CNTN5: variants seen among roughly 807,000 people sequenced by gnomAD.
CNTN5 encodes contactin 5.
In CNTN5, 77 loss-of-function variants were observed where a neutral mutation model predicts 129.1. That is an observed-to-expected ratio of 0.60 (90% CI 0.50 to 0.72). CNTN5 has a LOEUF of 0.72. Among genes scored for constraint, CNTN5 ranks in the 30% least tolerant of loss-of-function variants. CNTN5 has a pLI of 0.00. For missense variants in CNTN5, 1,478 were observed against 1,328.8 expected (o/e 1.11, Z -1.75); for synonymous variants, 509 against 465.6 (o/e 1.09, Z -1.20).
intron 15 of CNTN5, among the ~76,000 whole-genome samples, chr11:100,204,301 T>TAG: frequency 1.9e-5 from 1 of 54,000 alleles, no homozygotes; most frequent in South Asian, 6.0e-4. Context: ...TTGACTAATA[T>TAG]ATATATATAT....
intron 3 of CNTN5, among the ~76,000 whole-genome samples, chr11:99,697,849 A>G (rs1591494697): frequency 6.6e-6 from 1 of 151,856 alleles, no homozygotes; most frequent in East Asian, 1.9e-4. Flanking sequence ...CAAACTAAAC[A>G]GCCAGTCATA....
intron 3 of CNTN5, among the ~76,000 whole-genome samples, chr11:99,785,061 C>T (rs1032194265): frequency 6.6e-6 from 1 of 151,768 alleles, no homozygotes; most frequent in Non-Finnish European, 1.5e-5. Context: ...CGCCTGCCTC[C>T]ACCTGCCTAT....
chr11:99,467,780 T>C (rs1165769642), intron 2 of CNTN5, among the ~76,000 whole-genome samples: 2 of 152,186 alleles, frequency 1.3e-5, no homozygotes, highest in Admixed American at 6.5e-5. Context: ...GCTGTTTCTT[T>C]CTTGCTCAAA....
chr11:99,493,844 A>C (rs1277363128), intron 2 of CNTN5, among the ~76,000 whole-genome samples: 2 of 151,614 alleles, frequency 1.3e-5, no homozygotes, highest in African/African-American at 4.8e-5. Flanking sequence ...TTATAAATAC[A>C]ATATTTAAAT....
intron 1 of CNTN5, among the ~76,000 whole-genome samples, chr11:99,056,569 A>G (rs1864632852): frequency 6.6e-6 from 1 of 152,000 alleles, no homozygotes; most frequent in Non-Finnish European, 1.5e-5. Context: ...ATATTTTAAT[A>G]ATTTTTAGAA....
chr11:99,108,549 G>C (rs1032991343), intron 1 of CNTN5, among the ~76,000 whole-genome samples: 1 of 152,018 alleles, frequency 6.6e-6, no homozygotes, highest in African/African-American at 2.4e-5. Flanking sequence ...TCCACGACAT[G>C]GTTTAGTTTT....
intron 13 of CNTN5, among the ~76,000 whole-genome samples, chr11:100,107,494 T>C (rs1323062432): frequency 6.6e-6 from 1 of 150,694 alleles, no homozygotes; most frequent in Non-Finnish European, 1.5e-5. Flanking sequence ...TATTCTTTTT[T>C]TTTTTTTTTT....
At chr11:99,479,938 C>A (rs1367577129) in intron 2 of CNTN5, among the ~76,000 whole-genome samples, 1 of 151,264 alleles carries the variant, frequency 6.6e-6, no homozygotes, top group African/African-American at 2.4e-5. Context: ...ACCTATTAGA[C>A]CAAATTTATT....
chr11:99,361,376 A>C (rs1939099312), intron 2 of CNTN5, among the ~76,000 whole-genome samples: 2 of 152,188 alleles, frequency 1.3e-5, no homozygotes, highest in South Asian at 2.1e-4. Flanking sequence ...ATTAGACAAG[A>C]GTTAGACACC....
intron 1 of CNTN5, among the ~76,000 whole-genome samples, chr11:99,203,359 G>T (rs184682927): frequency 6.6e-6 from 1 of 152,238 alleles, no homozygotes; most frequent in African/African-American, 2.4e-5. Flanking sequence ...CAAATAACTA[G>T]TTTCACTTTG....
In CNTN5 at chr11:100,145,358, G is replaced by A. The variant is rs1946817007; in HGVS notation, c.1581-45768G>A. ...CATGTTTTTGGTGTGCACTGGTTTG[G>A]TATTTTCAGACCTCTAACCCATTTG... On this transcript the variant is annotated intron_variant, in intron 13 of 24. Transcript: ENST00000524871. Among the ~76,000 whole-genome samples the A allele has an allele frequency of 1.3e-5, 2 of 152,018 alleles. 1 individual carries two copies. The highest frequency in any genetic ancestry group is 4.1e-4 in the South Asian group (2 of 4,828).
chr11:99,104,732 G>A (rs934822119), intron 1 of CNTN5, among the ~76,000 whole-genome samples: 15 of 151,636 alleles, frequency 9.9e-5, no homozygotes, highest in Admixed American at 2.0e-4. Flanking sequence ...ATGCAAGAAA[G>A]AAAAAAATAT....
chr11:99,840,164 C>T (rs1426347498), intron 4 of CNTN5, among the ~76,000 whole-genome samples: 1 of 152,082 alleles, frequency 6.6e-6, no homozygotes, highest in Non-Finnish European at 1.5e-5. Flanking sequence ...CCATTGTTAC[C>T]AGAGGGTGGA....
At chr11:99,491,059 T>C (rs991788796) in intron 2 of CNTN5, among the ~76,000 whole-genome samples, 4 of 152,140 alleles carry the variant, frequency 2.6e-5, no homozygotes, top group Non-Finnish European at 5.9e-5. Flanking sequence ...GATACACTAC[T>C]GCCCTCCACA....
At chr11:99,086,471 G>A (rs1866010167) in intron 1 of CNTN5, among the ~76,000 whole-genome samples, 1 of 152,154 alleles carries the variant, frequency 6.6e-6, no homozygotes, top group Admixed American at 6.5e-5. Context: ...TGAAGTGGGG[G>A]GCCAGTGAGA....
chr11:100,039,413 A>T lies in CNTN5; in HGVS notation c.981-21799A>T, dbSNP rs1377217843. 2.0e-5 allele frequency among the ~76,000 whole-genome samples: 3 copies of T among 151,878 alleles called. No homozygotes were observed. In the East Asian group the frequency reaches 5.8e-4, roughly 29 times the overall value. ...GGTTGCCCTTAACATTTTTTCCTTC[A>T]TTTCAACTTTGGTGAATCTGACAAA... On this transcript the variant is annotated intron_variant, in intron 9 of 24. Transcript: ENST00000524871.
At chr11:99,670,350 CTTGAA>C (rs1952981572) in intron 3 of CNTN5, among the ~76,000 whole-genome samples, 1 of 152,028 alleles carries the variant, frequency 6.6e-6, no homozygotes, top group Non-Finnish European at 1.5e-5. Context: ...CTTTTGTCTC[CTTGAA>C]AAACTAGGAG....
intron 16 of CNTN5, among the ~76,000 whole-genome samples, chr11:100,254,268 G>T (rs769775038): frequency 2.7e-5 from 4 of 149,602 alleles, no homozygotes; most frequent in Non-Finnish European, 5.9e-5. Flanking sequence ...AAACTTTCCT[G>T]TTATATCCTC....
chr11:99,085,083 C>T (rs1426831189), intron 1 of CNTN5, among the ~76,000 whole-genome samples: 1 of 151,694 alleles, frequency 6.6e-6, no homozygotes, highest in Non-Finnish European at 1.5e-5. Context: ...CTTTCTCTGC[C>T]ACCCAGGCTA....
Sources: gnomAD v4.1 joint callset for allele counts (sites outside exome capture counted in the v4.1 genomes callset) on GRCh38, gnomAD v4.1.1 for gene constraint, MANE v1.5 for transcripts, NCBI Gene and HGNC (gene_info 2026-07-23, HGNC 2026-07-21) for gene names.